DENND4C: variants seen among roughly 807,000 people sequenced by gnomAD.
The protein encoded by DENND4C is DENN domain containing 4C.
DENND4C carries 108 observed loss-of-function variants against 203.0 expected under a neutral mutation model. The ratio of observed to expected loss-of-function variants is 0.53; its 90% CI spans 0.46 to 0.62. The LOEUF is 0.62. Among genes scored for constraint, DENND4C ranks in the 20% least tolerant of loss-of-function variants. The probability of loss-of-function intolerance (pLI) is 0.00; values close to 1 mark genes in which losing one functional copy is unlikely to be tolerated. For synonymous variants in DENND4C, 871 were observed against 792.4 expected, an observed-to-expected ratio of 1.10 and a Z score of -1.67; for missense variants, 2,481 against 2,301.2, an observed-to-expected ratio of 1.08 and a Z score of -1.60.
intron 12 of DENND4C, among the ~76,000 whole-genome samples, chr9:19,317,513 TA>T (rs1202407350): frequency 6.6e-6 from 1 of 152,250 alleles, no homozygotes; most frequent in Non-Finnish European, 1.5e-5. Flanking sequence ...ATCTTACATC[TA>T]TATCAATATT....
intron 7 of DENND4C, 111 bp downstream of exon 7, chr9:19,298,233 A>T (rs1315427264): frequency 1.1e-6 from 1 of 884,222 alleles, no homozygotes; most frequent in Admixed American, 2.4e-5. Context: ...TGCATTCATA[A>T]AGTCCTTGGA....
chr9:19,342,832 C>G (rs1563822971), intron 22 of DENND4C, 53 bp downstream of exon 22: 1 of 1,380,020 alleles, frequency 7.2e-7, no homozygotes, highest in Non-Finnish European at 9.5e-7. Flanking sequence ...TTTATAGACT[C>G]ATATGTGTCT....
intron 12 of DENND4C, among the ~76,000 whole-genome samples, chr9:19,318,337 A>AAAAT (rs200649553): frequency 6.6e-5 from 10 of 152,248 alleles, no homozygotes; most frequent in South Asian, 4.1e-4. Flanking sequence ...TTAAAAAATA[A>AAAAT]AAATAAATAA....
At chr9:19,273,920 A>T (rs906920154) in intron 1 of DENND4C, among the ~76,000 whole-genome samples, 3 of 152,056 alleles carry the variant, frequency 2.0e-5, no homozygotes, top group Admixed American at 2.0e-4. Flanking sequence ...TACCCAAGAC[A>T]AATGAAAGCA....
intron 27 of DENND4C, chr9:19,357,651 G>C (rs986169594): frequency 4.1e-6 from 1 of 246,436 alleles, no homozygotes; most frequent in African/African-American, 2.2e-5. Flanking sequence ...CATACTTCTA[G>C]GTAATTTTGT....
chr9:19,237,109 C>G (rs1361713177), intron 1 of DENND4C, among the ~76,000 whole-genome samples: 1 of 151,794 alleles, frequency 6.6e-6, no homozygotes, highest in South Asian at 2.1e-4. Flanking sequence ...CAGCCTCCAC[C>G]TCCTCGGTTC....
At chr9:19,322,025 A>G (rs1842966024) in intron 12 of DENND4C, among the ~76,000 whole-genome samples, 1 of 152,194 alleles carries the variant, frequency 6.6e-6, no homozygotes, top group African/African-American at 2.4e-5. Context: ...GAGATAGTGT[A>G]CATAGTTTCT....
intron 2 of DENND4C, among the ~76,000 whole-genome samples, chr9:19,280,558 A>G (rs1025376630): frequency 5.9e-5 from 9 of 151,834 alleles, no homozygotes; most frequent in Admixed American, 2.0e-4. Flanking sequence ...TTTTTTCTCT[A>G]TGGTTTCCTT....
chr9:19,265,211 T>C (rs1432153721), intron 1 of DENND4C, among the ~76,000 whole-genome samples: 1 of 151,924 alleles, frequency 6.6e-6, no homozygotes, highest in African/African-American at 2.4e-5. Context: ...GAGTTGAGGT[T>C]CTACCATGTT....
intron 2 of DENND4C, among the ~76,000 whole-genome samples, chr9:19,282,287 A>G (rs1278692120): frequency 6.6e-6 from 1 of 151,804 alleles, no homozygotes; most frequent in African/African-American, 2.4e-5. Context: ...ACAGGGTCTC[A>G]CTTTGTTGCC....
chr9:19,279,011 A>C (rs1833485707), intron 2 of DENND4C, among the ~76,000 whole-genome samples: 1 of 152,196 alleles, frequency 6.6e-6, no homozygotes. Context: ...TTCCAGACCT[A>C]CTGAATCACA....
In DENND4C at chr9:19,291,003, G is replaced by A; in HGVS notation, c.801+127G>A. The A allele has an allele frequency of 3.3e-6, 3 of 905,480 alleles. 1 individual carries two copies. The South Asian group carries it at 5.6e-5, about 17-fold the overall frequency. 56.1% of individuals were successfully genotyped at this position (905,480 alleles called of 1,614,324 possible). On this transcript the variant is annotated intron_variant, in intron 5 of 32. Coordinates refer to ENST00000434457, the MANE Select transcript of DENND4C (RefSeq NM_001330640.2). ...ATACATTTTGGTTTAAATTTACACT[G>A]TCATCCCCAAGGTGAGAAATCAACA...
At chr9:19,238,129 C>G (rs1822499996) in intron 1 of DENND4C, among the ~76,000 whole-genome samples, 1 of 150,900 alleles carries the variant, frequency 6.6e-6, no homozygotes, top group South Asian at 2.1e-4. Flanking sequence ...GTTGCCCAGG[C>G]TGGAGTGCAA....
intron 1 of DENND4C, among the ~76,000 whole-genome samples, chr9:19,242,144 T>C (rs1055331560): frequency 6.6e-6 from 1 of 152,224 alleles, no homozygotes; most frequent in African/African-American, 2.4e-5. Context: ...TTTTGCCTTT[T>C]CTGGGATGTC....
rs761538483 is a variant in DENND4C, at chr9:19,342,605, A to G, written c.3005-28A>G. 3.8e-6 allele frequency: 6 copies of G among 1,569,568 alleles called. No homozygotes were observed. In the South Asian group the frequency reaches 7.2e-5, roughly 19 times the overall value. ...CTGTTTAATATTGGCAAAAGTAGGA[A>G]TGATAACATCCAAATATTTTTTTCC... On this transcript the variant is annotated intron_variant, in intron 21 of 32. Coordinates refer to ENST00000434457, the MANE Select transcript of DENND4C (RefSeq NM_001330640.2).
intron 30 of DENND4C, among the ~76,000 whole-genome samples, chr9:19,369,570 C>A (rs1013169235): frequency 1.3e-5 from 2 of 151,802 alleles, no homozygotes; most frequent in Non-Finnish European, 2.9e-5. Flanking sequence ...AGTTTGAGAC[C>A]AACCTGGGCA....
chr9:19,273,204 G>A (rs368511018), intron 1 of DENND4C, among the ~76,000 whole-genome samples: 1 of 151,716 alleles, frequency 6.6e-6, no homozygotes, highest in African/African-American at 2.4e-5. Flanking sequence ...ACCTGCCTCG[G>A]CCTCCCAAAG....
At position 19,372,275 on chromosome 9, in the gene DENND4C, G is replaced by C. The variant is rs1290630792; in HGVS notation, c.*102G>C. ...CAAATCGTAAGAACTGGTGAATACG[G>C]AATTGAAGTAACTCTTGGGGACAAT... On this transcript the variant is annotated 3_prime_UTR_variant, in exon 33 of 33. Coordinates refer to ENST00000434457, the MANE Select transcript of DENND4C (RefSeq NM_001330640.2). 2.2e-6 allele frequency: 3 copies of C among 1,382,496 alleles called. No homozygotes were observed. The highest frequency in any genetic ancestry group is 3.0e-6 in the Non-Finnish European group (3 of 1,012,666). The allele number at this position is 1,382,496 out of a possible 1,614,324, so 85.6% of individuals were successfully genotyped here.
Position 19,346,435 on chromosome 9 carries a change from A to T in DENND4C, c.3666A>T (p.Thr1222=), listed in dbSNP as rs1221422451. Residue 1222 remains threonine (T), a synonymous_variant, in exon 23 of 33, where the codon ACA becomes ACT. Transcript: ENST00000434457. ...GTAATCAGTCCAGAGACTTGAAAAC[A>T]GTATCCAAAGATCTGAGGAATAAGA... The part of the protein sequence containing the change: ...SNSNQSRDLK[T]VSKDLRNKRS... 6.2e-7 allele frequency: 1 copy of T among 1,614,206 alleles called. No homozygotes were observed. The highest frequency in any genetic ancestry group is 8.5e-7 in the Non-Finnish European group (1 of 1,180,022).
Sources: gnomAD v4.1 joint callset for allele counts (sites outside exome capture counted in the v4.1 genomes callset) on GRCh38, gnomAD v4.1.1 for gene constraint, MANE v1.5 for transcripts, NCBI Gene and HGNC (gene_info 2026-07-23, HGNC 2026-07-21) for gene names.